Variants in AKAP6 observed in about 807,000 individuals in gnomAD.
AKAP6 encodes the protein A-kinase anchor protein 6.
A neutral mutation model predicts 188.5 loss-of-function variants in AKAP6; 58 were observed. The ratio of observed to expected loss-of-function variants is 0.31; its 90% CI spans 0.25 to 0.38. The LOEUF is 0.38. Ranked by LOEUF, AKAP6 falls within the 10% of genes least tolerant of loss-of-function variation. AKAP6 has a pLI of 1.00. For missense variants in AKAP6, 2,710 were observed against 2,740.0 expected (o/e 0.99, Z 0.24); for synonymous variants, 989 against 998.6 (o/e 0.99, Z 0.18).
chr14:32,587,390 G>C (rs1341605825), intron 5 of AKAP6, among the ~76,000 whole-genome samples: 1 of 152,148 alleles, frequency 6.6e-6, no homozygotes, highest in Non-Finnish European at 1.5e-5. Flanking sequence ...GGAGGGCCAG[G>C]CTAATAAGCA....
intron 4 of AKAP6, among the ~76,000 whole-genome samples, chr14:32,563,485 T>C (rs1798673041): frequency 6.6e-6 from 1 of 152,210 alleles, no homozygotes; most frequent in South Asian, 2.1e-4. Flanking sequence ...TCATTATTAG[T>C]ACTGTGGGGG....
In AKAP6 at chr14:32,810,245, CT is replaced by C. The variant is rs563094927; in HGVS notation, c.3589-11156del. On this transcript the variant is annotated intron_variant, in intron 12 of 13. Coordinates refer to ENST00000280979, the MANE Select transcript of AKAP6 (RefSeq NM_004274.5). ...AGGAGATTAAAATGACCCCAACCCCCTAATGCTCGTTTTTTTTTTTTAATTT... is the reference window on the plus strand; with the variant it reads ...AGGAGATTAAAATGACCCCAACCCCCAATGCTCGTTTTTTTTTTTTAATTT... Among the ~76,000 whole-genome samples, 30 of 129,388 alleles carry C rather than the reference CT, an allele frequency of 2.3e-4. No individual in the cohort carries two copies. In the South Asian group the frequency reaches 5.2e-3, roughly 22 times the overall value. 84.9% of individuals were successfully genotyped at this position (129,388 alleles called of 152,430 possible).
chr14:32,738,167 G>A (rs2031514292), intron 11 of AKAP6, among the ~76,000 whole-genome samples: 1 of 152,108 alleles, frequency 6.6e-6, no homozygotes, highest in South Asian at 2.1e-4. Context: ...AGCTGGCAAA[G>A]GGTCCCTTTG....
intron 1 of AKAP6, among the ~76,000 whole-genome samples, chr14:32,334,941 CTTTAT>C (rs925008207): frequency 3.9e-5 from 6 of 152,214 alleles, no homozygotes; most frequent in Admixed American, 6.5e-5. Context: ...AATGTGGAAC[CTTTAT>C]TTTATTTTCA....
intron 11 of AKAP6, among the ~76,000 whole-genome samples, chr14:32,762,692 TAAAAC>T (rs2032579064): frequency 8.1e-6 from 1 of 124,114 alleles, no homozygotes; most frequent in African/African-American, 3.0e-5. Flanking sequence ...TACAAACTAT[TAAAAC>T]AAAATTGTGA....
intron 12 of AKAP6, among the ~76,000 whole-genome samples, chr14:32,801,727 G>C (rs2033954265): frequency 6.6e-6 from 1 of 152,166 alleles, no homozygotes; most frequent in Non-Finnish European, 1.5e-5. Context: ...TTTGTCCTGA[G>C]AAAGTTTTTA....
intron 9 of AKAP6, among the ~76,000 whole-genome samples, chr14:32,701,193 T>TA (rs908290021): frequency 6.6e-6 from 1 of 152,052 alleles, no homozygotes; most frequent in Non-Finnish European, 1.5e-5. Context: ...AACATGAAAA[T>TA]AATATAAATA....
intron 2 of AKAP6, among the ~76,000 whole-genome samples, chr14:32,488,622 C>T (rs989369340): frequency 4.6e-5 from 7 of 152,110 alleles, no homozygotes; most frequent in South Asian, 2.1e-4. Context: ...CTCAAATGGC[C>T]GCCCAGTTTT....
chr14:32,516,787 T>A (rs755370546), intron 2 of AKAP6, among the ~76,000 whole-genome samples: 1 of 152,228 alleles, frequency 6.6e-6, no homozygotes, highest in Non-Finnish European at 1.5e-5. Flanking sequence ...TTCCTAGCTC[T>A]ATTAATGAAA....
chr14:32,667,124 T>C (rs1470173605), intron 7 of AKAP6, among the ~76,000 whole-genome samples: 24 of 152,124 alleles, frequency 1.6e-4, no homozygotes, highest in Admixed American at 1.6e-3. Flanking sequence ...TGAAATTTGC[T>C]TGTAGAGGAA....
chr14:32,827,590 T>G (rs1011280684), intron 13 of AKAP6, among the ~76,000 whole-genome samples: 1 of 152,208 alleles, frequency 6.6e-6, no homozygotes, highest in Non-Finnish European at 1.5e-5. Flanking sequence ...GCTGTGCTTT[T>G]CACTATTTTC....
intron 9 of AKAP6, among the ~76,000 whole-genome samples, chr14:32,728,003 C>T (rs2030957962): frequency 6.6e-6 from 1 of 152,290 alleles, no homozygotes; most frequent in South Asian, 2.1e-4. Flanking sequence ...GCACAGGCAA[C>T]ACTGGCCTCT....
chr14:32,795,129 G>A (rs2033727786), intron 12 of AKAP6, among the ~76,000 whole-genome samples: 2 of 152,120 alleles, frequency 1.3e-5, no homozygotes, highest in South Asian at 2.1e-4. Flanking sequence ...TTCTGAAATT[G>A]AGGCAGTAAT....
At chr14:32,524,773 C>T (rs75432093) in intron 2 of AKAP6, among the ~76,000 whole-genome samples, 69 of 152,294 alleles carry the variant, frequency 4.5e-4, no homozygotes, top group African/African-American at 1.5e-3. Flanking sequence ...CAGGCTTGCA[C>T]GTAGTTCCCA....
intron 7 of AKAP6, among the ~76,000 whole-genome samples, chr14:32,615,065 A>G (rs1044526712): frequency 1.3e-5 from 2 of 148,974 alleles, no homozygotes; most frequent in Non-Finnish European, 3.0e-5. Context: ...GCTACTTGGG[A>G]GGCTGAGGCA....
intron 8 of AKAP6, among the ~76,000 whole-genome samples, chr14:32,686,842 C>T (rs929063532): frequency 6.6e-6 from 1 of 152,028 alleles, no homozygotes. Context: ...CAGAAGATAC[C>T]CCAGTCTCAT....
intron 4 of AKAP6, among the ~76,000 whole-genome samples, chr14:32,561,844 A>T (rs913274418): frequency 6.6e-6 from 1 of 152,224 alleles, no homozygotes; most frequent in Non-Finnish European, 1.5e-5. Flanking sequence ...AGTTAAAAAC[A>T]TTTGCCTTGG....
At chr14:32,726,158 T>G in intron 9 of AKAP6, 4 of 982,064 alleles carry the variant, frequency 4.1e-6, no homozygotes, top group Non-Finnish European at 4.8e-6. Context: ...CCATAGACTT[T>G]TCATTACATT....
intron 12 of AKAP6, among the ~76,000 whole-genome samples, chr14:32,795,324 T>C (rs1027271469): frequency 4.4e-4 from 67 of 152,164 alleles, no homozygotes; most frequent in African/African-American, 1.5e-3. Flanking sequence ...CTGGCAGAGA[T>C]GCAACAAAAA....
Sources: allele counts gnomAD v4.1 joint callset (sites outside exome capture counted in the v4.1 genomes callset), GRCh38; gene constraint gnomAD v4.1.1; transcripts MANE v1.5; gene names NCBI Gene and HGNC (gene_info 2026-07-23, HGNC 2026-07-21).